Variants in ELP6 observed in about 807,000 individuals in gnomAD.
The protein encoded by ELP6 is elongator complex protein 6.
A neutral mutation model predicts 28.1 loss-of-function variants in ELP6; 23 were observed. The ratio of observed to expected loss-of-function variants is 0.82; its 90% CI spans 0.59 to 1.16. ELP6 has a LOEUF of 1.16. Among genes scored for constraint, ELP6 ranks in the 50% most tolerant of loss-of-function variants. ELP6 has a pLI of 0.00. For synonymous variants in ELP6, 132 were observed against 135.8 expected (o/e 0.97, Z 0.19); for missense variants, 313 against 334.6 (o/e 0.94, Z 0.50).
chr3:47,501,477 T>A, intron 5 of ELP6, 173 bp downstream of exon 5: 1 of 635,502 alleles, frequency 1.6e-6, no homozygotes, highest in Admixed American at 2.9e-5. Context: ...GGCTTTACTT[T>A]TCAGCAATGG....
At chr3:47,512,662 A>G in intron 1 of ELP6, 3 of 985,434 alleles carry the variant, frequency 3.0e-6, no homozygotes, top group Non-Finnish European at 3.6e-6. Flanking sequence ...GGTGGAGAGA[A>G]CAGGCCAGCC....
intron 4 of ELP6, chr3:47,502,983 A>G: frequency 1.0e-6 from 1 of 966,704 alleles, no homozygotes; most frequent in Non-Finnish European, 1.2e-6. Context: ...TTCTCCAGTG[A>G]CTACCCCTGG....
chr3:47,513,002 T>C lies in ELP6; in HGVS notation c.54+535A>G, dbSNP rs1041321624. 5 of 985,326 alleles carry C rather than the reference T, an allele frequency of 5.1e-6. No individual in the cohort carries two copies. In the African/African-American group the frequency reaches 8.8e-5, roughly 17 times the overall value. The allele number at this position is 985,326 out of a possible 1,614,324, so 61.0% of individuals were successfully genotyped here. A position where few individuals can be genotyped will look rare whatever the true frequency, so the allele number is the denominator to read the frequency against. On this transcript the variant is annotated intron_variant, in intron 1 of 6. Transcript: ENST00000296149. ...ATGCTTCCCAGGTACTTTTTTTTTT[T>C]TTTTTTGAGGTGGAGTCCCGCTCTG... is the stretch of plus-strand genomic sequence containing the variant.
Position 47,498,421 on chromosome 3 carries a change from C to CACCA in ELP6, c.533_536dup (p.Val180GlyfsTer13), listed in dbSNP as rs775052090. ...CATCTCCACTGTCGTGCACAAGGAC[C>CACCA]ACCATGTTTCCCTGCATCAGATACA... is the stretch of plus-strand genomic sequence containing the variant. On this transcript the variant is annotated frameshift_variant, in exon 6 of 7. Coordinates refer to ENST00000296149, the MANE Select transcript of ELP6 (RefSeq NM_001031703.3). LOFTEE classifies it high-confidence loss of function. 8.1e-6 allele frequency: 13 copies of CACCA among 1,612,630 alleles called. No homozygotes were observed. In the East Asian group the frequency reaches 2.9e-4, roughly 36 times the overall value.
At chr3:47,513,417 C>G (rs1576354661) in intron 1 of ELP6, 120 bp downstream of exon 1, 1 of 1,498,442 alleles carries the variant, frequency 6.7e-7, no homozygotes, top group East Asian at 2.5e-5. Context: ...GACTACAACT[C>G]CCAGGTACCC....
In ELP6 at chr3:47,513,549, G is replaced by A; in HGVS notation, c.42C>T (p.Asp14=). ...CGGGACCTCTTACCTGCTCCGCCCT[G>A]TCGGGGGTGGTGTTAAGCAGGTTAT... is the stretch of plus-strand genomic sequence containing the variant. ...ELNNLLNTTP[D]RAEQGKLTLL... The change falls in exon 1 of 7, where the codon GAC becomes GAT. Residue 14 remains aspartate, a synonymous_variant. Transcript: ENST00000296149. The A allele has an allele frequency of 1.2e-6, 2 of 1,612,878 alleles. No homozygotes were observed. Among genetic ancestry groups the A allele is most frequent in the Middle Eastern group, 3.3e-4 (2 of 6,058 alleles).
intron 5 of ELP6, chr3:47,499,863 A>T: frequency 1.6e-6 from 2 of 1,229,090 alleles, no homozygotes; most frequent in Non-Finnish European, 2.1e-6. Context: ...AAATAACTCC[A>T]GGAGAAGCTG....
chr3:47,504,327 G>T lies in ELP6; in HGVS notation c.323+3C>A. The T allele has an allele frequency of 6.2e-7, 1 of 1,601,262 alleles. No homozygotes were observed. Among genetic ancestry groups the T allele is most frequent in the South Asian group, 1.1e-5 (1 of 89,254 alleles). ...TTCCGGGCTGGGCTGTAGGCTGACTGACCTGAGAAACTGCAGGGGGTGTGG... is the reference window on the plus strand; with the variant it reads ...TTCCGGGCTGGGCTGTAGGCTGACTTACCTGAGAAACTGCAGGGGGTGTGG... On this transcript the variant is annotated splice_donor_region_variant and intron_variant, in intron 4 of 6. Transcript: ENST00000296149.
intron 3 of ELP6, among the ~76,000 whole-genome samples, chr3:47,507,598 C>A (rs375753227): frequency 6.0e-5 from 9 of 150,342 alleles, no homozygotes; most frequent in Admixed American, 4.7e-4. Flanking sequence ...GAGTTTAAGA[C>A]CAGCCTGGGC....
intron 1 of ELP6, chr3:47,512,715 G>A (rs1709050009): frequency 1.0e-6 from 1 of 983,560 alleles, no homozygotes. Flanking sequence ...ATTTGGCTCT[G>A]TCCTGCTTCT....
At chr3:47,511,521 A>G (rs1249919110) in intron 1 of ELP6, 3 of 1,174,676 alleles carry the variant, frequency 2.6e-6, no homozygotes, top group East Asian at 5.1e-5. Context: ...CATGTTAGTC[A>G]CTCAGGAACC....
intron 5 of ELP6, chr3:47,498,639 G>A: frequency 1.0e-6 from 1 of 985,340 alleles, no homozygotes; most frequent in South Asian, 4.7e-5. Flanking sequence ...CACCCATAAT[G>A]AGCCAACCCA....
Position 47,501,771 on chromosome 3 carries a change from C to T in ELP6, c.404G>A (p.Arg135Gln), listed in dbSNP as rs757210202. ...CACCAACAGCACCGGGTACGTCCACCGAGCCTCTCCACTGTCTACTGGCTT... is the reference window on the plus strand; with the variant it reads ...CACCAACAGCACCGGGTACGTCCACTGAGCCTCTCCACTGTCTACTGGCTT... ...ALKPVDSGEA[R>Q]WTYPVLLVDD... The change falls in exon 5 of 7, where the codon CGG (arginine) becomes CAG (glutamine). Residue 135 changes from arginine to glutamine, a missense_variant. By Grantham distance (43) the Arg-to-Gln change is conservative. Transcript: ENST00000296149. The T allele has an allele frequency of 1.2e-5, 20 of 1,613,800 alleles. No individual in the cohort carries two copies. The highest frequency in any genetic ancestry group is 4.5e-5 in the East Asian group (2 of 44,882).
rs777308848 is a variant in ELP6, at chr3:47,501,764, C to T, written c.411G>A (p.Thr137=). 9.3e-6 allele frequency: 15 copies of T among 1,610,798 alleles called. No individual in the cohort carries two copies. Among genetic ancestry groups the T allele is most frequent in the Non-Finnish European group, 1.1e-5 (13 of 1,178,824 alleles). ...GGTCGTCCACCAACAGCACCGGGTA[C>T]GTCCACCGAGCCTCTCCACTGTCTA... is the stretch of plus-strand genomic sequence containing the variant. The part of the protein sequence containing the change: ...KPVDSGEARW[T]YPVLLVDDLS... The change falls in exon 5 of 7, where the codon ACG becomes ACA. Residue 137 remains threonine (T), a synonymous_variant. Transcript: ENST00000296149.
chr3:47,503,768 T>G (rs1322813588), intron 4 of ELP6, among the ~76,000 whole-genome samples: 1 of 151,968 alleles, frequency 6.6e-6, no homozygotes, highest in Non-Finnish European at 1.5e-5. Context: ...CGGGCGCCTG[T>G]AGTCCCAGCT....
At chr3:47,497,922 C>A (rs1433665749) in intron 6 of ELP6, 1 of 983,870 alleles carries the variant, frequency 1.0e-6, no homozygotes, top group Non-Finnish European at 1.2e-6. Context: ...CAGAGCAAGA[C>A]TCCGTCTAAA....
intron 4 of ELP6, 25 bp downstream of exon 4, chr3:47,504,305 C>T (rs1273119271): frequency 1.3e-5 from 20 of 1,567,056 alleles, no homozygotes; most frequent in East Asian, 4.6e-5. Context: ...GTGTTGCTTC[C>T]GGGCTGGGCT....
intron 4 of ELP6, among the ~76,000 whole-genome samples, chr3:47,502,872 C>T (rs1219109718): frequency 6.6e-6 from 1 of 152,084 alleles, no homozygotes; most frequent in Non-Finnish European, 1.5e-5. Context: ...AGTTAAACAG[C>T]AACTCAGTTG....
intron 6 of ELP6, chr3:47,497,177 A>T (rs1387118123): frequency 1.0e-6 from 1 of 985,188 alleles, no homozygotes; most frequent in East Asian, 1.1e-4. Context: ...GAAGTTTGAG[A>T]AGGCACAGAG....
Sources: gnomAD v4.1 joint callset for allele counts (sites outside exome capture counted in the v4.1 genomes callset) on GRCh38, gnomAD v4.1.1 for gene constraint, MANE v1.5 for transcripts, NCBI Gene and HGNC (gene_info 2026-07-23, HGNC 2026-07-21) for gene names.